Variants in CPNE1 observed in about 807,000 individuals in gnomAD.
CPNE1 encodes copine-1.
CPNE1 carries 58 observed loss-of-function variants against 63.2 expected under a neutral mutation model. The observed-to-expected ratio is 0.92, with a 90% CI of 0.74 to 1.14. CPNE1 has a LOEUF of 1.14. CPNE1 is among the 50% of genes most tolerant of loss of function. The probability of loss-of-function intolerance (pLI) is 0.00; values close to 1 mark genes in which losing one functional copy is unlikely to be tolerated. For missense variants in CPNE1, 672 were observed against 661.7 expected (o/e 1.02, Z -0.17); for synonymous variants, 237 against 249.0 (o/e 0.95, Z 0.45).
intron 1 of CPNE1, among the ~76,000 whole-genome samples, chr20:35,633,488 CCTCA>C (rs2032295152): frequency 6.6e-6 from 1 of 152,232 alleles, no homozygotes; most frequent in Non-Finnish European, 1.5e-5. Context: ...ATGTTCAACT[CCTCA>C]CTATTTCCAC....
At chr20:35,658,917 C>G in intron 1 of CPNE1, 1 of 713,074 alleles carries the variant, frequency 1.4e-6, no homozygotes, top group South Asian at 1.5e-5. Flanking sequence ...ACTCTCTATT[C>G]AAAATCTCTT....
chr20:35,654,501 A>C, intron 1 of CPNE1: 1 of 1,614,232 alleles, frequency 6.2e-7, no homozygotes, highest in Non-Finnish European at 8.5e-7. Flanking sequence ...CAAGAAACAT[A>C]GGATTCAGAT....
chr20:35,640,527 T>C (rs1209109434), intron 1 of CPNE1, among the ~76,000 whole-genome samples: 1 of 152,202 alleles, frequency 6.6e-6, no homozygotes, highest in Non-Finnish European at 1.5e-5. Flanking sequence ...TCGATGTCTC[T>C]AACAGTCTAA....
chr20:35,655,179 G>C (rs1321995975), intron 1 of CPNE1: 10 of 1,614,094 alleles, frequency 6.2e-6, no homozygotes, highest in Non-Finnish European at 7.6e-6. Flanking sequence ...CTTCATCAGT[G>C]GCAAAAACGA....
chr20:35,659,138 C>CA (rs370328377), intron 1 of CPNE1: 15,004 of 271,344 alleles, frequency 0.055, 92 homozygotes, highest in East Asian at 0.061. Context: ...GAATGCATAT[C>CA]AAAAAAAAAA....
Position 35,652,836 on chromosome 20 carries a change from G to C in CPNE1, c.-1+11924C>G, listed in dbSNP as rs748585394. The C allele has an allele frequency of 6.2e-6, 10 of 1,605,906 alleles. No individual in the cohort carries two copies. The African/African-American group carries it at 1.3e-4, about 22-fold the overall frequency. On this transcript the variant is annotated intron_variant, in intron 1 of 15. Transcript: ENST00000397443. ...TTGGGCCAGGGCCGGGGCCGGGGCC[G>C]GGGCCAGGCCCAAAAGCTGGTGGCC...
chr20:35,652,393 A>G lies in CPNE1; in HGVS notation c.-1+12367T>C. Reference sequence around the variant, plus strand: ...TCTGTAAACAGTCAACCAATGCTCTATGTTATGGAAACCAAGCTATATGCA... The same window carrying G: ...TCTGTAAACAGTCAACCAATGCTCTGTGTTATGGAAACCAAGCTATATGCA... On this transcript the variant is annotated intron_variant, in intron 1 of 15. Transcript: ENST00000397443. 8 of 1,045,846 alleles carry G rather than the reference A, an allele frequency of 7.6e-6. 1 individual carries two copies. Among genetic ancestry groups the G allele is most frequent in the Non-Finnish European group, 1.1e-5 (8 of 722,554 alleles). 64.8% of individuals were successfully genotyped at this position (1,045,846 alleles called of 1,614,324 possible). A position where few individuals can be genotyped will look rare whatever the true frequency, so the allele number is the denominator to read the frequency against.
chr20:35,648,605 G>C (rs962231544), intron 1 of CPNE1, among the ~76,000 whole-genome samples: 1 of 152,148 alleles, frequency 6.6e-6, no homozygotes, highest in African/African-American at 2.4e-5. Context: ...AACACACTGG[G>C]TATCCAAATT....
At chr20:35,640,048 C>T (rs1028443620) in intron 1 of CPNE1, among the ~76,000 whole-genome samples, 2 of 152,212 alleles carry the variant, frequency 1.3e-5, no homozygotes, top group African/African-American at 4.8e-5. Flanking sequence ...GGCTTCCATT[C>T]TGAGGTCAGA....
intron 13 of CPNE1, among the ~76,000 whole-genome samples, chr20:35,629,460 A>C (rs12624473): frequency 3.9e-5 from 6 of 152,126 alleles, no homozygotes; most frequent in Non-Finnish European, 8.8e-5. Context: ...CTGATGCTCA[A>C]GTAAGTACCT....
At chr20:35,650,651 CAT>C (rs1186966437) in intron 1 of CPNE1, 3 of 152,620 alleles carry the variant, frequency 2.0e-5, no homozygotes, top group Admixed American at 2.0e-4. Flanking sequence ...AGACCCACAA[CAT>C]AGTCACCTCT....
Position 35,626,803 on chromosome 20 carries a change from G to C in CPNE1, c.1237C>G (p.Gln413Glu), listed in dbSNP as rs773209756. ...GTCAGCAGCAACAGCATGAAGTATT[G>C]CTGGGGACAAGCCCATTCATGTCCT... Reference protein sequence around the residue: ...AQAAHQGTASQYFMLLLLTDG... With the variant: ...AQAAHQGTASEYFMLLLLTDG... The change falls in exon 15 of 16, where the codon CAA (glutamine) becomes GAA (glutamate). Residue 413 changes from glutamine to glutamate, a missense_variant and splice_region_variant. Gln to Glu is a conservative substitution (Grantham distance 29). Transcript: ENST00000397443. 12 of 1,612,686 alleles carry C rather than the reference G, an allele frequency of 7.4e-6. No individual in the cohort carries two copies. The highest frequency in any genetic ancestry group is 7.6e-6 in the Non-Finnish European group (9 of 1,178,852).
At chr20:35,646,293 AT>A (rs1411782697) in intron 1 of CPNE1, among the ~76,000 whole-genome samples, 3 of 145,336 alleles carry the variant, frequency 2.1e-5, no homozygotes, top group Non-Finnish European at 4.5e-5. Context: ...CAAAAAAACT[AT>A]TTAACCCTCT....
intron 1 of CPNE1, chr20:35,653,121 C>T (rs1442117137): frequency 8.1e-6 from 13 of 1,613,614 alleles, no homozygotes; most frequent in Non-Finnish European, 1.1e-5. Context: ...GGATTGGTGG[C>T]CCAAAGGCAT....
Position 35,631,578 on chromosome 20 carries a change from C to A in CPNE1, c.628G>T (p.Val210Leu). ...TCACTGTCATAATCGGAGCATTGCA[C>A]CTGAGGGAAAGGTGTGTGTGGACAT... ...CGGNPSTPIQ[V>L]QCSDYDSDGS... Residue 210 changes from valine to leucine, a missense_variant and splice_region_variant, in exon 8 of 16, where the codon GTG becomes TTG. Transcript: ENST00000397443. The A allele has an allele frequency of 6.2e-7, 1 of 1,613,694 alleles. No homozygotes were observed. The highest frequency in any genetic ancestry group is 1.1e-5 in the South Asian group (1 of 91,060).
rs1299970366 is a variant in CPNE1, at chr20:35,630,505, GA to G, written c.1051-16del. On this transcript the variant is annotated splice_polypyrimidine_tract_variant and intron_variant, in intron 12 of 15. Transcript: ENST00000397443. ...TCATGCGAGACCTGGAGACAAGAAT[GA>G]AAATGAGGTTCTTTCCCCATGACCT... 6.2e-7 allele frequency: 1 copy of G among 1,613,616 alleles called. No homozygotes were observed. Among genetic ancestry groups the G allele is most frequent in the African/African-American group, 1.3e-5 (1 of 74,910 alleles).
intron 9 of CPNE1, 34 bp downstream of exon 9, chr20:35,631,234 A>T: frequency 6.2e-7 from 1 of 1,613,060 alleles, no homozygotes; most frequent in East Asian, 2.2e-5. Flanking sequence ...GAGCTCAGGA[A>T]TCAGAGCCTT....
intron 13 of CPNE1, chr20:35,627,633 AGAT>A: frequency 2.2e-6 from 1 of 454,856 alleles, no homozygotes; most frequent in Non-Finnish European, 3.9e-6. Flanking sequence ...ATTAGCACCC[AGAT>A]GAGAGGGATT....
intron 1 of CPNE1, among the ~76,000 whole-genome samples, chr20:35,660,109 T>C (rs561511410): frequency 1.3e-5 from 2 of 152,334 alleles, no homozygotes; most frequent in Non-Finnish European, 2.9e-5. Context: ...AGTGAGATGG[T>C]TTTACCACAA....
Sources: allele counts gnomAD v4.1 joint callset (sites outside exome capture counted in the v4.1 genomes callset), GRCh38; gene constraint gnomAD v4.1.1; transcripts MANE v1.5; gene names NCBI Gene and HGNC (gene_info 2026-07-23, HGNC 2026-07-21).